NDNF: variants seen among roughly 807,000 people sequenced by gnomAD.
The protein encoded by NDNF is protein NDNF.
A neutral mutation model predicts 42.0 loss-of-function variants in NDNF; 16 were observed. The observed-to-expected ratio is 0.38, with a 90% CI of 0.26 to 0.58. NDNF has a LOEUF of 0.58. Ranked by LOEUF, NDNF falls within the 20% of genes least tolerant of loss-of-function variation. The pLI is 0.67. For synonymous variants in NDNF, 248 were observed against 251.7 expected, an observed-to-expected ratio of 0.99 and a Z score of 0.14; for missense variants, 616 against 666.2, an observed-to-expected ratio of 0.92 and a Z score of 0.83.
chr4:121,039,186 GTGTGTGTATATATATATATATATA>G (rs1282455840), intron 3 of NDNF, among the ~76,000 whole-genome samples: 1 of 16,392 alleles, frequency 6.1e-5, no homozygotes, highest in African/African-American at 1.1e-4. Context: ...CTATGTGTGT[GTGTGTGTATATATATATATATATA>G]TATATATATA....
At chr4:121,047,855 A>T (rs144814896) in intron 1 of NDNF, among the ~76,000 whole-genome samples, 1 of 152,326 alleles carries the variant, frequency 6.6e-6, no homozygotes, top group Non-Finnish European at 1.5e-5. Context: ...ATTGTCAAGG[A>T]GAAATCCAAA....
intron 1 of NDNF, among the ~76,000 whole-genome samples, chr4:121,048,007 A>C (rs1329380636): frequency 1.3e-5 from 2 of 152,232 alleles, no homozygotes; most frequent in African/African-American, 4.8e-5. Flanking sequence ...GACTGACCTG[A>C]ATGGGACCTC....
intron 2 of NDNF, among the ~76,000 whole-genome samples, chr4:121,041,743 TTA>T (rs1727001270): frequency 6.6e-6 from 1 of 152,172 alleles, no homozygotes; most frequent in South Asian, 2.1e-4. Flanking sequence ...GAGATTTATT[TTA>T]GTCTTTGAGA....
intron 2 of NDNF, among the ~76,000 whole-genome samples, chr4:121,045,177 C>T (rs1380963939): frequency 1.3e-5 from 2 of 151,956 alleles, no homozygotes; most frequent in South Asian, 2.1e-4. Flanking sequence ...ATGGTGAAAC[C>T]CCGTCTCTAT....
In NDNF at chr4:121,045,795, G is replaced by A; in HGVS notation, c.43C>T (p.Leu15Phe). 2 of 1,614,190 alleles carry A rather than the reference G, an allele frequency of 1.2e-6. No individual in the cohort carries two copies. The highest frequency in any genetic ancestry group is 1.7e-6 in the Non-Finnish European group (2 of 1,180,038). The change falls in exon 2 of 4, where the codon CTC becomes TTC. Residue 15 changes from leucine to phenylalanine, a missense_variant. Physicochemically the swap from Leu to Phe is conservative, Grantham distance 22. Transcript: ENST00000379692. Reference sequence around the variant, plus strand: ...GGTAACTTCTGGGTCCTTGAGCTGAGTGGAAACAGGAGCCACAGCAGGCAC... The same window carrying A: ...GGTAACTTCTGGGTCCTTGAGCTGAATGGAAACAGGAGCCACAGCAGGCAC... ...HWCLLWLLFP[L>F]SSRTQKLPTR... is the part of the protein sequence containing the mutation.
chr4:121,043,052 T>C (rs937854551), intron 2 of NDNF, among the ~76,000 whole-genome samples: 1 of 152,186 alleles, frequency 6.6e-6, no homozygotes, highest in East Asian at 1.9e-4. Context: ...CTTAACAATT[T>C]GACAGATATT....
chr4:121,043,863 T>C (rs1341756688), intron 2 of NDNF, among the ~76,000 whole-genome samples: 4 of 152,214 alleles, frequency 2.6e-5, no homozygotes, highest in Non-Finnish European at 5.9e-5. Flanking sequence ...AAGCCAAATG[T>C]GCCCAGCAAG....
chr4:121,041,104 C>G (rs1387205062), intron 2 of NDNF, among the ~76,000 whole-genome samples: 2 of 152,166 alleles, frequency 1.3e-5, no homozygotes, highest in Non-Finnish European at 2.9e-5. Context: ...TTTAAAAAAT[C>G]AAATGTTCTA....
chr4:121,039,120 C>A (rs531005916), intron 3 of NDNF: 1 of 112,772 alleles, frequency 8.9e-6, no homozygotes, highest in Non-Finnish European at 1.9e-5. Flanking sequence ...TTTGTAGATA[C>A]GTATACATAG....
At position 121,043,414 on chromosome 4, in the gene NDNF, G is replaced by C. The variant is rs1219145356; in HGVS notation, c.188+2236C>G. Among the ~76,000 whole-genome samples, 7 of 152,204 alleles carry C rather than the reference G, an allele frequency of 4.6e-5. No individual in the cohort carries two copies. The East Asian group carries it at 1.3e-3, about 29-fold the overall frequency. On this transcript the variant is annotated intron_variant, in intron 2 of 3. Transcript: ENST00000379692. The stretch of plus-strand genomic sequence containing the variant: ...ACCCCTAGAAATGAAGTTTCTACTT[G>C]TGGTTATAATCCTTTACTAGCATAA...
intron 1 of NDNF, among the ~76,000 whole-genome samples, chr4:121,060,783 T>G (rs528844597): frequency 6.6e-6 from 1 of 152,324 alleles, no homozygotes; most frequent in South Asian, 2.1e-4. Context: ...GTCTGGAAGC[T>G]TCAACTCTCC....
rs554802186 is a variant in NDNF at position 121,043,899 on chromosome 4, T to C, written c.188+1751A>G. ...AACTCAGTTAATAGTTAAGATTAAC[T>C]TGAAGTATTATGACTGCTTTGTATG... On this transcript the variant is annotated intron_variant, in intron 2 of 3. Transcript: ENST00000379692. 1.1e-4 allele frequency among the ~76,000 whole-genome samples: 17 copies of C among 152,348 alleles called. No individual in the cohort carries two copies. In the East Asian group the frequency reaches 2.5e-3, roughly 22 times the overall value.
At chr4:121,070,993 G>C (rs1283811871) in intron 1 of NDNF, among the ~76,000 whole-genome samples, 1 of 152,200 alleles carries the variant, frequency 6.6e-6, no homozygotes, top group Non-Finnish European at 1.5e-5. Flanking sequence ...CTGGGCCTGG[G>C]ATAGGGTGCG....
chr4:121,048,150 T>C (rs1727126785), intron 1 of NDNF, among the ~76,000 whole-genome samples: 1 of 152,174 alleles, frequency 6.6e-6, no homozygotes, highest in Non-Finnish European at 1.5e-5. Context: ...ATTCTACAAG[T>C]TTATTTCTCT....
intron 1 of NDNF, among the ~76,000 whole-genome samples, chr4:121,048,817 G>C (rs72684033): frequency 6.6e-6 from 1 of 151,880 alleles, no homozygotes; most frequent in Non-Finnish European, 1.5e-5. Context: ...CAGCATGGGC[G>C]ACAGAGCCTC....
At chr4:121,043,066 T>C (rs1456187511) in intron 2 of NDNF, among the ~76,000 whole-genome samples, 3 of 152,208 alleles carry the variant, frequency 2.0e-5, no homozygotes, top group Non-Finnish European at 4.4e-5. Context: ...AGATATTTAT[T>C]GTCTACCATG....
At chr4:121,057,607 G>A (rs4833200) in intron 1 of NDNF, among the ~76,000 whole-genome samples, 127,862 of 152,136 alleles carry the variant, frequency 0.84, 54,014 homozygotes, top group Non-Finnish European at 0.88. Context: ...GAGGCTCTCC[G>A]GCTCGCCCAG....
At chr4:121,041,356 A>G (rs906054202) in intron 2 of NDNF, among the ~76,000 whole-genome samples, 1 of 152,082 alleles carries the variant, frequency 6.6e-6, no homozygotes, top group Non-Finnish European at 1.5e-5. Context: ...AACCTCCTGG[A>G]TATCTCTTGC....
At position 121,055,796 on chromosome 4, in the gene NDNF, TACATACAC is replaced by T. The variant is rs201208335; in HGVS notation, c.-1-9966_-1-9959del. 8.1e-3 allele frequency among the ~76,000 whole-genome samples: 1,230 copies of T among 151,972 alleles called. 18 individuals are homozygous for T. The highest frequency in any genetic ancestry group is 0.028 in the African/African-American group (1,159 of 41,402). On this transcript the variant is annotated intron_variant, in intron 1 of 3. Transcript: ENST00000379692. ...GAAGAGACATATTAGAGAAAGGCAA[TACATACAC>T]ACATACACACACACACACGCACCCC...
Sources: allele counts gnomAD v4.1 joint callset (sites outside exome capture counted in the v4.1 genomes callset), GRCh38; gene constraint gnomAD v4.1.1; transcripts MANE v1.5; gene names NCBI Gene and HGNC (gene_info 2026-07-23, HGNC 2026-07-21).